KALRN: variants seen among roughly 807,000 people sequenced by gnomAD.
KALRN encodes kalirin RhoGEF kinase, also known as kalirin.
In KALRN, 70 loss-of-function variants were observed where a neutral mutation model predicts 353.7. The observed-to-expected ratio is 0.20, with a 90% CI of 0.16 to 0.24. The LOEUF is 0.24. Among genes scored for constraint, KALRN ranks in the 10% least tolerant of loss-of-function variants. The probability of loss-of-function intolerance (pLI) is 1.00; values close to 1 mark genes in which losing one functional copy is unlikely to be tolerated. For missense variants in KALRN, 2,791 were observed against 3,756.7 expected (o/e 0.74, Z 6.72); for synonymous variants, 1,391 against 1,434.8 (o/e 0.97, Z 0.69).
chr3:124,479,478 G>T (rs894588116), intron 27 of KALRN, among the ~76,000 whole-genome samples: 2 of 152,162 alleles, frequency 1.3e-5, no homozygotes, highest in African/African-American at 4.8e-5. Context: ...GGAACCATCT[G>T]CTTTAGGCCC....
chr3:124,695,577 A>T (rs2062015126), intron 53 of KALRN, among the ~76,000 whole-genome samples: 2 of 152,314 alleles, frequency 1.3e-5, no homozygotes, highest in South Asian at 4.1e-4. Context: ...ATTTCAGAGC[A>T]GTTCTCCCCT....
chr3:124,221,996 T>C (rs989695940), intron 1 of KALRN, among the ~76,000 whole-genome samples: 6 of 152,200 alleles, frequency 3.9e-5, no homozygotes, highest in African/African-American at 1.4e-4. Flanking sequence ...TTCCCCAGTG[T>C]TCAGGGCTTT....
chr3:124,673,943 C>A (rs1328021717), intron 48 of KALRN, among the ~76,000 whole-genome samples: 15 of 152,134 alleles, frequency 9.9e-5, no homozygotes. Flanking sequence ...TAATATCAAA[C>A]AATCCGTGTT....
chr3:124,628,569 T>A (rs1224445686), intron 34 of KALRN, among the ~76,000 whole-genome samples: 3 of 145,716 alleles, frequency 2.1e-5, no homozygotes, highest in African/African-American at 7.7e-5. Context: ...TCTTTTCTTT[T>A]CATTTCTTTT....
At chr3:124,679,178 A>G (rs562383189) in intron 50 of KALRN, among the ~76,000 whole-genome samples, 4 of 152,356 alleles carry the variant, frequency 2.6e-5, no homozygotes, top group African/African-American at 9.6e-5. Context: ...AGCCTCACAG[A>G]AGACAACAGT....
chr3:124,488,251 C>T lies in KALRN; in HGVS notation c.4332C>T (p.Gly1444=). The change falls in exon 29 of 60, where the codon GGC becomes GGT. Residue 1444 remains glycine (G), a synonymous_variant. Transcript: ENST00000682506. The part of the protein sequence containing the change: ...CEEGKGELKD[G]LEVMLSVPKK... ...AAGGGAAAGGGGAGCTCAAGGATGGCCTGGAGGTGATGCTCAGTGTCCCAA... is the reference window on the plus strand; with the variant it reads ...AAGGGAAAGGGGAGCTCAAGGATGGTCTGGAGGTGATGCTCAGTGTCCCAA... 1 of 1,613,886 alleles carries T rather than the reference C, an allele frequency of 6.2e-7. No individual in the cohort carries two copies. Among genetic ancestry groups the T allele is most frequent in the Non-Finnish European group, 8.5e-7 (1 of 1,179,870 alleles).
chr3:124,416,300 T>G (rs2150303148), intron 14 of KALRN, among the ~76,000 whole-genome samples: 1 of 152,308 alleles, frequency 6.6e-6, no homozygotes, highest in African/African-American at 2.4e-5. Flanking sequence ...GAAAGACAAC[T>G]GGGAGTTGAA....
intron 1 of KALRN, among the ~76,000 whole-genome samples, chr3:124,201,633 G>T (rs1333612436): frequency 6.6e-6 from 1 of 152,186 alleles, no homozygotes; most frequent in Non-Finnish European, 1.5e-5. Flanking sequence ...GTCTGTACAG[G>T]TTGATGGATG....
chr3:124,439,176 C>T, intron 18 of KALRN, 139 bp downstream of exon 18: 10 of 649,690 alleles, frequency 1.5e-5, no homozygotes, highest in Non-Finnish European at 2.0e-5. Flanking sequence ...TCCTCCTCCT[C>T]CTTCTTCTCC....
chr3:124,477,467 T>C lies in KALRN; in HGVS notation c.4191+133T>C, dbSNP rs541903309. On this transcript the variant is annotated intron_variant, in intron 27 of 59. Coordinates refer to ENST00000682506, the MANE Select transcript of KALRN (RefSeq NM_001388419.1). ...TACTGGCCACTGCAAACCTTAAGCA[T>C]GGAAAAAAAGCAAAAACAGTATATG... 78 of 695,704 alleles carry C rather than the reference T, an allele frequency of 1.1e-4. No homozygotes were observed. In the South Asian group the frequency reaches 1.4e-3, roughly 13 times the overall value. 43.1% of individuals were successfully genotyped at this position (695,704 alleles called of 1,614,324 possible). A position where few individuals can be genotyped will look rare whatever the true frequency, so the allele number is the denominator to read the frequency against.
At chr3:124,417,300 C>A (rs530753377) in intron 14 of KALRN, among the ~76,000 whole-genome samples, 1 of 152,186 alleles carries the variant, frequency 6.6e-6, no homozygotes, top group African/African-American at 2.4e-5. Context: ...TACTGTGGCA[C>A]GCCTTGATTC....
At position 124,719,152 on chromosome 3, in the gene KALRN, G is replaced by A. The variant is rs754392485; in HGVS notation, c.8643G>A (p.Leu2881=). The A allele has an allele frequency of 2.0e-5, 32 of 1,614,124 alleles. No homozygotes were observed. The Middle Eastern group carries it at 6.6e-4, about 33-fold the overall frequency. Residue 2881 remains leucine, a synonymous_variant, in exon 60 of 60, where the codon TTG becomes TTA. Transcript: ENST00000682506. This position sits in a 1 kb window ranked among gnomAD's most constrained non-coding sequence, Gnocchi z 5.3. ...YVMLSGVSPF[L]DESKEETCIN... ...TGCTGAGTGGGGTCTCCCCCTTCTT[G>A]GATGAGAGCAAAGAGGAGACATGTA...
intron 1 of KALRN, among the ~76,000 whole-genome samples, chr3:124,072,587 A>G (rs1238303700): frequency 6.6e-6 from 1 of 152,148 alleles, no homozygotes; most frequent in African/African-American, 2.4e-5. Context: ...TGGAAATAAT[A>G]GAAATGAAGC....
At position 124,329,949 on chromosome 3, in the gene KALRN, A is replaced by G. The variant is rs2080338370; in HGVS notation, c.1373A>G (p.His458Arg). The G allele has an allele frequency of 6.2e-7, 1 of 1,613,724 alleles. No homozygotes were observed. The highest frequency in any genetic ancestry group is 1.3e-5 in the African/African-American group (1 of 74,840). Residue 458 changes from histidine (H) to arginine (R), a missense_variant, in exon 8 of 60, where the codon CAC becomes CGC. Around this residue, in one of 11 missense-constraint regions of KALRN, gnomAD observed 366 missense variants for 489.2 expected, o/e 0.75. Coordinates refer to ENST00000682506, the MANE Select transcript of KALRN (RefSeq NM_001388419.1). ...CAAGACCTAGAGCTGGCAATCCACC[A>G]CCACCAGACCTTGTATGAGCAGGTG... ...EMQDLELAIH[H>R]HQTLYEQVTQ...
At chr3:124,442,348 G>A (rs2093695395) in intron 19 of KALRN, among the ~76,000 whole-genome samples, 1 of 152,200 alleles carries the variant, frequency 6.6e-6, no homozygotes, top group South Asian at 2.1e-4. Flanking sequence ...GAAATTGCCT[G>A]TATCTACGCT....
chr3:124,151,370 C>T (rs939644427), intron 1 of KALRN, among the ~76,000 whole-genome samples: 4 of 152,174 alleles, frequency 2.6e-5, no homozygotes, highest in Admixed American at 1.3e-4. Context: ...TCCATTTTGG[C>T]TTTTCTGCTA....
intron 11 of KALRN, among the ~76,000 whole-genome samples, chr3:124,389,275 G>A (rs1257303699): frequency 6.6e-6 from 1 of 152,108 alleles, no homozygotes; most frequent in Non-Finnish European, 1.5e-5. Context: ...ATTTCTAAGT[G>A]GGAAGTGAAT....
chr3:124,719,822 AG>A lies in KALRN; in HGVS notation c.*353del. 1 of 204,404 alleles carries A rather than the reference AG, an allele frequency of 4.9e-6. No individual in the cohort carries two copies. The highest frequency in any genetic ancestry group is 1.0e-5 in the Non-Finnish European group (1 of 99,758). 12.7% of individuals were successfully genotyped at this position (204,404 alleles called of 1,614,324 possible). On this transcript the variant is annotated 3_prime_UTR_variant, in exon 60 of 60. Coordinates refer to ENST00000682506, the MANE Select transcript of KALRN (RefSeq NM_001388419.1). The surrounding 1 kb of genome is among the most constrained non-coding windows in gnomAD (Gnocchi z 5.3). ...AACCTTAAGCTCACAAGAGTATAAAAGATCTCTGGCTTTGCTGAAATTTTAA... is the reference window on the plus strand; with the variant it reads ...AACCTTAAGCTCACAAGAGTATAAAAATCTCTGGCTTTGCTGAAATTTTAA...
intron 9 of KALRN, among the ~76,000 whole-genome samples, chr3:124,338,350 G>A (rs997622333): frequency 6.6e-6 from 1 of 152,062 alleles, no homozygotes; most frequent in Non-Finnish European, 1.5e-5. Flanking sequence ...TGTTCTCATT[G>A]GTGTCAAAGA....
Sources: gnomAD v4.1 joint callset for allele counts (sites outside exome capture counted in the v4.1 genomes callset) on GRCh38, gnomAD v4.1.1 for gene constraint, gnomAD v4.1.1 regional missense constraint, Gnocchi (gnomAD v3.1) non-coding constraint, MANE v1.5 for transcripts, NCBI Gene and HGNC (gene_info 2026-07-23, HGNC 2026-07-21) for gene names.